Variants in CPQ observed in about 807,000 individuals in gnomAD.
CPQ encodes the protein Ser-Met dipeptidase.
In CPQ, 37 loss-of-function variants were observed where a neutral mutation model predicts 45.7. The observed-to-expected ratio is 0.81, with a 90% CI of 0.62 to 1.07. CPQ has a LOEUF of 1.07. Ranked by LOEUF, CPQ falls within the 50% of genes least tolerant of loss-of-function variation. CPQ has a pLI of 0.00. For synonymous variants in CPQ, 186 were observed against 205.8 expected (o/e 0.90, Z 0.82); for missense variants, 537 against 572.9 (o/e 0.94, Z 0.64).
intron 3 of CPQ, among the ~76,000 whole-genome samples, chr8:96,844,436 T>A (rs1313260198): frequency 6.6e-6 from 1 of 152,030 alleles, no homozygotes; most frequent in Non-Finnish European, 1.5e-5. Flanking sequence ...ATAGAGTGGG[T>A]TTCAAAATCA....
chr8:96,681,185 C>T (rs1185329010), intron 1 of CPQ, among the ~76,000 whole-genome samples: 1 of 152,184 alleles, frequency 6.6e-6, no homozygotes, highest in Non-Finnish European at 1.5e-5. Context: ...TAATGTTAAT[C>T]CCCAAAACAA....
chr8:96,815,982 G>A (rs1054386889), intron 2 of CPQ, among the ~76,000 whole-genome samples: 7 of 152,080 alleles, frequency 4.6e-5, no homozygotes, highest in East Asian at 1.9e-4. Flanking sequence ...TGATGTTGAC[G>A]GCTGCCGACT....
chr8:96,759,343 T>G (rs1294453704), intron 1 of CPQ, among the ~76,000 whole-genome samples: 2 of 152,122 alleles, frequency 1.3e-5, no homozygotes, highest in Non-Finnish European at 2.9e-5. Context: ...AATTCCAAAA[T>G]CAGAAATAGA....
chr8:96,877,308 C>T (rs967558378), intron 3 of CPQ, among the ~76,000 whole-genome samples: 4 of 152,100 alleles, frequency 2.6e-5, no homozygotes, highest in African/African-American at 7.2e-5. Flanking sequence ...CTTTCAGTGC[C>T]GTCTCCTCAG....
At chr8:96,668,431 T>C (rs1199529614) in intron 1 of CPQ, among the ~76,000 whole-genome samples, 1 of 152,198 alleles carries the variant, frequency 6.6e-6, no homozygotes, top group African/African-American at 2.4e-5. Context: ...GTAAATGATA[T>C]GCTTGTGGAC....
intron 4 of CPQ, among the ~76,000 whole-genome samples, chr8:96,925,935 G>A (rs899625709): frequency 3.9e-5 from 6 of 151,934 alleles, no homozygotes; most frequent in Admixed American, 1.3e-4. Flanking sequence ...TGATCTGCCC[G>A]CCTTGGCCTC....
intron 1 of CPQ, among the ~76,000 whole-genome samples, chr8:96,692,792 A>G (rs142159500): frequency 1.2e-4 from 18 of 152,302 alleles, no homozygotes; most frequent in African/African-American, 3.6e-4. Flanking sequence ...CCAGAGACCA[A>G]TGAACATTCA....
Position 96,754,821 on chromosome 8 carries a change from G to T in CPQ, c.-34-30043G>T, listed in dbSNP as rs191635089. ...AAACAGTGCATGGCACATGGTAAATGGTAAATGTTTTATTTCCTCCCCCTT... is the reference window on the plus strand; with the variant it reads ...AAACAGTGCATGGCACATGGTAAATTGTAAATGTTTTATTTCCTCCCCCTT... On this transcript the variant is annotated intron_variant, in intron 1 of 7. Coordinates refer to ENST00000220763, the MANE Select transcript of CPQ (RefSeq NM_016134.4). Among the ~76,000 whole-genome samples, 507 of 151,980 alleles carry T rather than the reference G, an allele frequency of 3.3e-3. 7 individuals carry two copies. Among genetic ancestry groups the T allele is most frequent in the African/African-American group, 0.012 (481 of 41,518 alleles).
intron 4 of CPQ, among the ~76,000 whole-genome samples, chr8:96,951,593 T>C (rs1325381885): frequency 6.6e-6 from 1 of 152,138 alleles, no homozygotes; most frequent in African/African-American, 2.4e-5. Flanking sequence ...TAAGCTATTA[T>C]TGAAATAAAA....
At chr8:96,984,297 G>T (rs920843215) in intron 5 of CPQ, among the ~76,000 whole-genome samples, 2 of 152,108 alleles carry the variant, frequency 1.3e-5, no homozygotes, top group African/African-American at 4.8e-5. Flanking sequence ...ATCTGCTGTG[G>T]TCTGAATGTG....
At chr8:96,861,432 A>G (rs1811924664) in intron 3 of CPQ, among the ~76,000 whole-genome samples, 1 of 152,108 alleles carries the variant, frequency 6.6e-6, no homozygotes, top group South Asian at 2.1e-4. Context: ...AGGATTGAGG[A>G]AGGTTGTTTA....
At chr8:96,668,591 T>C (rs1586351450) in intron 1 of CPQ, among the ~76,000 whole-genome samples, 1 of 152,320 alleles carries the variant, frequency 6.6e-6, no homozygotes, top group East Asian at 1.9e-4. Flanking sequence ...CAGTGTGTTG[T>C]TAAAAATTAA....
At chr8:96,942,570 A>C (rs1309240710) in intron 4 of CPQ, among the ~76,000 whole-genome samples, 3 of 152,204 alleles carry the variant, frequency 2.0e-5, no homozygotes, top group African/African-American at 7.2e-5. Flanking sequence ...GATACAGAAG[A>C]TCCATCACCA....
chr8:96,878,640 T>C (rs1035385779), intron 3 of CPQ, among the ~76,000 whole-genome samples: 1 of 152,184 alleles, frequency 6.6e-6, no homozygotes, highest in African/African-American at 2.4e-5. Context: ...ACCTGAAATA[T>C]GGCTACAACA....
intron 1 of CPQ, among the ~76,000 whole-genome samples, chr8:96,728,832 C>T (rs946015712): frequency 6.6e-6 from 1 of 152,086 alleles, no homozygotes; most frequent in Non-Finnish European, 1.5e-5. Flanking sequence ...GATCCCCATA[C>T]AAGTCGATTA....
At chr8:96,717,543 A>G (rs1348979097) in intron 1 of CPQ, among the ~76,000 whole-genome samples, 2 of 152,122 alleles carry the variant, frequency 1.3e-5, no homozygotes, top group African/African-American at 2.4e-5. Context: ...TGCTTTGGCT[A>G]TGTAGGCTCT....
At chr8:97,092,410 G>A (rs1811141448) in intron 7 of CPQ, 1 of 152,126 alleles carries the variant, frequency 6.6e-6, no homozygotes, top group Admixed American at 6.6e-5. Context: ...CACAAAAGGT[G>A]TGGGAAAACT....
At chr8:96,920,910 C>A (rs980803773) in intron 4 of CPQ, among the ~76,000 whole-genome samples, 14 of 152,130 alleles carry the variant, frequency 9.2e-5, no homozygotes, top group African/African-American at 3.4e-4. Flanking sequence ...TTTAAGCCAC[C>A]CTGTCTGTGG....
Position 96,947,718 on chromosome 8 carries a change from C to T in CPQ, c.850-18217C>T, listed in dbSNP as rs536930048. Among the ~76,000 whole-genome samples, 18 of 152,206 alleles carry T rather than the reference C, an allele frequency of 1.2e-4. 1 individual carries two copies. The South Asian group carries it at 3.7e-3, about 31-fold the overall frequency. On this transcript the variant is annotated intron_variant, in intron 4 of 7. Transcript: ENST00000220763. ...CTTTTTTTCTCCTTTCTCTTTTCTC[C>T]TTAATCTCAAGATGTAACCTTGAAG...
Sources: gnomAD v4.1 joint callset for allele counts (sites outside exome capture counted in the v4.1 genomes callset) on GRCh38, gnomAD v4.1.1 for gene constraint, MANE v1.5 for transcripts, NCBI Gene and HGNC (gene_info 2026-07-23, HGNC 2026-07-21) for gene names.